The following USP34 variants were observed in gnomAD, a reference collection of about 807,000 sequenced individuals.
USP34 encodes the protein ubiquitin carboxyl-terminal hydrolase 34.
A neutral mutation model predicts 460.3 loss-of-function variants in USP34; 70 were observed. The observed-to-expected ratio is 0.15, with a 90% CI of 0.13 to 0.19. The LOEUF (loss-of-function observed/expected upper bound fraction) is 0.19. Ranked by LOEUF, USP34 falls within the 10% of genes least tolerant of loss-of-function variation. USP34 has a pLI of 1.00. For missense variants in USP34, 3,985 were observed against 4,236.2 expected, an observed-to-expected ratio of 0.94 and a Z score of 1.65; for synonymous variants, 1,647 against 1,405.3, an observed-to-expected ratio of 1.17 and a Z score of -3.85.
At chr2:61,399,058 T>C (rs2103914729) in intron 3 of USP34, among the ~76,000 whole-genome samples, 1 of 152,252 alleles carries the variant, frequency 6.6e-6, no homozygotes, top group South Asian at 2.1e-4. Context: ...TGGGCACAGC[T>C]AAAAAATCTC....
At chr2:61,213,686 A>G (rs1216995347) in intron 68 of USP34, among the ~76,000 whole-genome samples, 1 of 152,234 alleles carries the variant, frequency 6.6e-6, no homozygotes, top group Non-Finnish European at 1.5e-5. Flanking sequence ...ACAGTTTACC[A>G]CAGCATGTAG....
chr2:61,253,473 T>C (rs1287560794), intron 48 of USP34, among the ~76,000 whole-genome samples: 2 of 152,190 alleles, frequency 1.3e-5, no homozygotes, highest in South Asian at 4.1e-4. Flanking sequence ...CTTCGTGTAA[T>C]TGCCTACATA....
At chr2:61,369,983 T>TAAAAAAAAAAAAAAAAAAAAAAAAAAA (rs35212285) in intron 10 of USP34, among the ~76,000 whole-genome samples, 1 of 127,764 alleles carries the variant, frequency 7.8e-6, no homozygotes, top group Non-Finnish European at 1.7e-5. Context: ...TATGCCTATT[T>TAAAAAAAAAAAAAAAAAAAAAAAAAAA]AAAAAAAAAA....
chr2:61,324,042 G>A (rs1014948853), intron 21 of USP34, among the ~76,000 whole-genome samples: 3 of 152,160 alleles, frequency 2.0e-5, no homozygotes, highest in East Asian at 3.8e-4. Context: ...GAGTCATGAC[G>A]ACTCCTAGCA....
At chr2:61,337,515 G>A (rs1220415064) in intron 18 of USP34, among the ~76,000 whole-genome samples, 2 of 152,008 alleles carry the variant, frequency 1.3e-5, no homozygotes, top group Admixed American at 6.6e-5. Context: ...GTGCAGTGAC[G>A]TGATCACGAC....
At chr2:61,430,923 G>A (rs962726203) in intron 1 of USP34, among the ~76,000 whole-genome samples, 4 of 152,126 alleles carry the variant, frequency 2.6e-5, no homozygotes, top group African/African-American at 7.2e-5. Flanking sequence ...AGGATCACTT[G>A]AGCCTGGGAG....
intron 1 of USP34, 94 bp downstream of exon 1, chr2:61,470,556 G>T: frequency 1.2e-6 from 1 of 847,892 alleles, no homozygotes; most frequent in Non-Finnish European, 1.9e-6. Flanking sequence ...CCCGGCCGTC[G>T]CCTCCCGCAG....
intron 1 of USP34, among the ~76,000 whole-genome samples, chr2:61,431,343 C>T (rs569772069): frequency 2.0e-5 from 3 of 152,160 alleles, no homozygotes; most frequent in Non-Finnish European, 4.4e-5. Flanking sequence ...TTGCCTCAGC[C>T]TCCCAAGTAG....
At chr2:61,316,520 G>T (rs538946726) in intron 23 of USP34, among the ~76,000 whole-genome samples, 1 of 152,092 alleles carries the variant, frequency 6.6e-6, no homozygotes, top group East Asian at 1.9e-4. Flanking sequence ...AGGAGGTGGA[G>T]GTTGCAGTGA....
chr2:61,191,414 G>A (rs1319644172), intron 76 of USP34: 1 of 151,716 alleles, frequency 6.6e-6, no homozygotes, highest in Non-Finnish European at 1.5e-5. Flanking sequence ...ATATGCATAT[G>A]TGTATATCTT....
chr2:61,321,232 G>A (rs543332981), intron 21 of USP34, among the ~76,000 whole-genome samples: 11 of 152,222 alleles, frequency 7.2e-5, no homozygotes, highest in African/African-American at 2.2e-4. Context: ...CAGCACTTTG[G>A]GAGGCTGAGG....
intron 20 of USP34, among the ~76,000 whole-genome samples, chr2:61,325,760 A>C (rs998685202): frequency 6.6e-5 from 10 of 152,178 alleles, no homozygotes; most frequent in Non-Finnish European, 1.2e-4. Context: ...TGTAACACAC[A>C]CATAAGTTAG....
intron 11 of USP34, 23 bp downstream of exon 11, chr2:61,350,545 C>T: frequency 6.4e-7 from 1 of 1,560,656 alleles, no homozygotes; most frequent in African/African-American, 1.4e-5. Flanking sequence ...AAAAAAAAAA[C>T]TATCATGTTT....
At chr2:61,411,854 G>A (rs1694049862) in intron 2 of USP34, among the ~76,000 whole-genome samples, 1 of 152,140 alleles carries the variant, frequency 6.6e-6, no homozygotes, top group Non-Finnish European at 1.5e-5. Context: ...AGATATGCGA[G>A]AAAAATTTTA....
intron 74 of USP34, among the ~76,000 whole-genome samples, chr2:61,204,007 A>G (rs1278568328): frequency 1.3e-5 from 2 of 152,030 alleles, no homozygotes; most frequent in Admixed American, 6.6e-5. Context: ...CTAGTGACAA[A>G]TATTAAGACT....
At chr2:61,352,844 C>A (rs1691984201) in intron 10 of USP34, among the ~76,000 whole-genome samples, 1 of 151,132 alleles carries the variant, frequency 6.6e-6, no homozygotes, top group African/African-American at 2.4e-5. Flanking sequence ...ACGAAGAGGA[C>A]AAAGACGATG....
chr2:61,334,360 C>A (rs1386959362), intron 18 of USP34, among the ~76,000 whole-genome samples: 1 of 151,964 alleles, frequency 6.6e-6, no homozygotes, highest in African/African-American at 2.4e-5. Flanking sequence ...TGGAAGCACA[C>A]CACATACCTC....
In USP34 at chr2:61,236,243, T is replaced by A; in HGVS notation, c.6843-7A>T. On this transcript the variant is annotated splice_region_variant and splice_polypyrimidine_tract_variant and intron_variant, in intron 54 of 79. Transcript: ENST00000398571. ...ACACAATTGCCACATAAATCTAGAATTTAAAAATAATCATTTAAAATTCAC... is the reference window on the plus strand; with the variant it reads ...ACACAATTGCCACATAAATCTAGAAATTAAAAATAATCATTTAAAATTCAC... The A allele has an allele frequency of 6.2e-7, 1 of 1,606,724 alleles. No individual in the cohort carries two copies. Among genetic ancestry groups the A allele is most frequent in the Non-Finnish European group, 8.5e-7 (1 of 1,177,088 alleles).
intron 1 of USP34, among the ~76,000 whole-genome samples, chr2:61,447,254 CAAAAAAAAA>C (rs763711140): frequency 0.011 from 671 of 59,700 alleles, 5 homozygotes; most frequent in African/African-American, 0.037. Flanking sequence ...AACTGTCTTC[CAAAAAAAAA>C]AAAAAAAAAA....
Sources: allele counts gnomAD v4.1 joint callset (sites outside exome capture counted in the v4.1 genomes callset), GRCh38; gene constraint gnomAD v4.1.1; transcripts MANE v1.5; gene names NCBI Gene and HGNC (gene_info 2026-07-23, HGNC 2026-07-21).